ANKRD33B: variants seen among roughly 807,000 people sequenced by gnomAD.
ANKRD33B encodes ankyrin repeat domain 33B.
In ANKRD33B, 6 loss-of-function variants were observed where a neutral mutation model predicts 21.5. The observed-to-expected ratio is 0.28, with a 90% CI of 0.15 to 0.55. ANKRD33B has a LOEUF of 0.55. Ranked by LOEUF, ANKRD33B falls within the 20% of genes least tolerant of loss-of-function variation. ANKRD33B has a pLI of 0.94. For missense variants in ANKRD33B, 698 were observed against 747.2 expected (o/e 0.93, Z 0.77); for synonymous variants, 347 against 342.4 (o/e 1.01, Z -0.15).
chr5:10,642,488 A>G (rs2062199), intron 3 of ANKRD33B, among the ~76,000 whole-genome samples: 63,748 of 151,948 alleles, frequency 0.42, 13,652 homozygotes, highest in Middle Eastern at 0.55. Flanking sequence ...CAGTCCAGGA[A>G]CCAGGACCCA....
At chr5:10,648,097 T>C (rs544580102) in intron 3 of ANKRD33B, among the ~76,000 whole-genome samples, 1 of 152,370 alleles carries the variant, frequency 6.6e-6, no homozygotes, top group African/African-American at 2.4e-5. Flanking sequence ...ACAGCCACTG[T>C]GACTGCCATT....
intron 2 of ANKRD33B, among the ~76,000 whole-genome samples, chr5:10,635,767 C>A (rs1222891580): frequency 6.6e-6 from 1 of 152,212 alleles, no homozygotes; most frequent in East Asian, 1.9e-4. Flanking sequence ...AAGGAGGAAA[C>A]TGGGTTCCAA....
At chr5:10,570,129 G>A (rs1033452068) in intron 1 of ANKRD33B, among the ~76,000 whole-genome samples, 3 of 151,906 alleles carry the variant, frequency 2.0e-5, no homozygotes, top group Admixed American at 2.0e-4. Context: ...CACCCACCTC[G>A]GCCTCCCAAA....
chr5:10,621,696 A>C (rs1206208543), intron 2 of ANKRD33B, among the ~76,000 whole-genome samples: 1 of 152,272 alleles, frequency 6.6e-6, no homozygotes, highest in Non-Finnish European at 1.5e-5. Context: ...AAATGCTGAA[A>C]TACATCTGCT....
Position 10,564,686 on chromosome 5 carries a change from G to C in ANKRD33B, c.219G>C (p.Glu73Asp). Reference sequence around the variant, plus strand: ...AGGAGCACGGCGTCGAGAGCGCGGAGAGCGTCCCGGAGGGCGTCCCGGAAA... The same window carrying C: ...AGGAGCACGGCGTCGAGAGCGCGGACAGCGTCCCGGAGGGCGTCCCGGAAA... ...DEEEHGVESA[E>D]SVPEGVPESV... Residue 73 changes from glutamate to aspartate, a missense_variant, in exon 1 of 4, where the codon GAG becomes GAC. Glu to Asp is a conservative substitution (Grantham distance 45). Coordinates refer to ENST00000296657, the MANE Select transcript of ANKRD33B (RefSeq NM_001164440.2). 6.5e-7 allele frequency: 1 copy of C among 1,534,252 alleles called. No individual in the cohort carries two copies. Among genetic ancestry groups the C allele is most frequent in the Non-Finnish European group, 8.7e-7 (1 of 1,146,148 alleles).
chr5:10,618,602 C>A, intron 2 of ANKRD33B, 140 bp downstream of exon 2: 1 of 1,277,420 alleles, frequency 7.8e-7, no homozygotes, highest in Non-Finnish European at 1.0e-6. Context: ...CAGGGAAGGG[C>A]TGATTGCTGT....
At chr5:10,614,720 C>G (rs1736245639) in intron 1 of ANKRD33B, among the ~76,000 whole-genome samples, 1 of 152,148 alleles carries the variant, frequency 6.6e-6, no homozygotes, top group Non-Finnish European at 1.5e-5. Context: ...AACCCTGTCC[C>G]TACTAAAAAT....
At position 10,653,206 on chromosome 5, in the gene ANKRD33B, A is replaced by T. The variant is rs1329393254; in HGVS notation, c.*3093A>T. On this transcript the variant is annotated 3_prime_UTR_variant, in exon 4 of 4. Coordinates refer to ENST00000296657, the MANE Select transcript of ANKRD33B (RefSeq NM_001164440.2). ...TTTGGCCCATGCGGCGGGTCCAGGCAGCTCCTGCAGCTGTGCTCATGGCTG... is the reference window on the plus strand; with the variant it reads ...TTTGGCCCATGCGGCGGGTCCAGGCTGCTCCTGCAGCTGTGCTCATGGCTG... 1 of 152,480 alleles carries T rather than the reference A, an allele frequency of 6.6e-6. No individual in the cohort carries two copies. The highest frequency in any genetic ancestry group is 1.5e-5 in the Non-Finnish European group (1 of 68,174). 9.4% of individuals were successfully genotyped at this position (152,480 alleles called of 1,614,324 possible).
At chr5:10,606,885 C>T (rs1010113376) in intron 1 of ANKRD33B, among the ~76,000 whole-genome samples, 4 of 151,888 alleles carry the variant, frequency 2.6e-5, no homozygotes, top group African/African-American at 7.2e-5. Flanking sequence ...TGCGTTACTA[C>T]ACCTGGCTCA....
rs1345940785 is a variant in ANKRD33B, at chr5:10,573,027, A to G, written c.366+8194A>G. On this transcript the variant is annotated intron_variant, in intron 1 of 3. Coordinates refer to ENST00000296657, the MANE Select transcript of ANKRD33B (RefSeq NM_001164440.2). ...CTCTGTTTCTTTGAAATTGCTCTCAAATCCCACCACTCCAATCCAATCAGT... is the reference window on the plus strand; with the variant it reads ...CTCTGTTTCTTTGAAATTGCTCTCAGATCCCACCACTCCAATCCAATCAGT... Among the ~76,000 whole-genome samples, 7 of 152,184 alleles carry G rather than the reference A, an allele frequency of 4.6e-5. No individual in the cohort carries two copies. The East Asian group carries it at 9.6e-4, about 21-fold the overall frequency.
At chr5:10,603,856 G>GT (rs896692224) in intron 1 of ANKRD33B, among the ~76,000 whole-genome samples, 16 of 143,280 alleles carry the variant, frequency 1.1e-4, no homozygotes, top group South Asian at 2.2e-4. Flanking sequence ...ATAGAAAAAT[G>GT]TTTTTTTTTA....
chr5:10,641,226 T>TTCTTCTTCTG (rs779983378), intron 3 of ANKRD33B, among the ~76,000 whole-genome samples: 1 of 57,076 alleles, frequency 1.8e-5, no homozygotes, highest in South Asian at 6.8e-4. Context: ...CTTCTTCTTC[T>TTCTTCTTCTG]TTTTTTTTTT....
At chr5:10,636,177 GAGGT>G (rs760697174) in intron 2 of ANKRD33B, among the ~76,000 whole-genome samples, 1 of 144,766 alleles carries the variant, frequency 6.9e-6, no homozygotes. Flanking sequence ...TGGGGGGAGG[GAGGT>G]GATGCCAAGT....
chr5:10,634,434 A>C (rs1366358510), intron 2 of ANKRD33B, among the ~76,000 whole-genome samples: 1 of 150,890 alleles, frequency 6.6e-6, no homozygotes, highest in Non-Finnish European at 1.5e-5. Flanking sequence ...CATAATGTCC[A>C]AGTTGGACTG....
At chr5:10,639,054 T>G (rs1736953128) in intron 3 of ANKRD33B, among the ~76,000 whole-genome samples, 1 of 77,732 alleles carries the variant, frequency 1.3e-5, no homozygotes, top group African/African-American at 4.6e-5. Context: ...GACGCGGAGT[T>G]GCGCGGCGAT....
chr5:10,580,485 A>T (rs140927691), intron 1 of ANKRD33B, among the ~76,000 whole-genome samples: 2 of 151,584 alleles, frequency 1.3e-5, no homozygotes, highest in African/African-American at 2.4e-5. Flanking sequence ...AGCACCATGG[A>T]TGTTTCTTGT....
At chr5:10,594,126 T>G (rs1332059855) in intron 1 of ANKRD33B, among the ~76,000 whole-genome samples, 1 of 151,630 alleles carries the variant, frequency 6.6e-6, no homozygotes, top group Non-Finnish European at 1.5e-5. Context: ...TTTTTCACTC[T>G]TATTCAGGGA....
chr5:10,567,953 A>AG (rs1735096308), intron 1 of ANKRD33B, among the ~76,000 whole-genome samples: 1 of 152,202 alleles, frequency 6.6e-6, no homozygotes, highest in African/African-American at 2.4e-5. Flanking sequence ...AATGATCTCT[A>AG]AAGGCGTCTA....
intron 1 of ANKRD33B, among the ~76,000 whole-genome samples, chr5:10,587,984 A>T (rs1187171659): frequency 2.0e-5 from 3 of 152,136 alleles, no homozygotes; most frequent in Non-Finnish European, 4.4e-5. Flanking sequence ...TATTATTGGT[A>T]TGTTATTATT....
Sources: allele counts gnomAD v4.1 joint callset (sites outside exome capture counted in the v4.1 genomes callset), GRCh38; gene constraint gnomAD v4.1.1; transcripts MANE v1.5; gene names NCBI Gene and HGNC (gene_info 2026-07-23, HGNC 2026-07-21).